Variants in MEMO1 observed in about 807,000 individuals in gnomAD.
MEMO1 encodes the protein protein MEMO1.
MEMO1 carries 6 observed loss-of-function variants against 45.2 expected under a neutral mutation model. The ratio of observed to expected loss-of-function variants is 0.13; its 90% CI spans 0.07 to 0.26. The LOEUF (loss-of-function observed/expected upper bound fraction) is 0.26. Ranked by LOEUF, MEMO1 falls within the 10% of genes least tolerant of loss-of-function variation. The pLI is 1.00. For synonymous variants in MEMO1, 78 were observed against 124.3 expected (o/e 0.63, Z 2.48); for missense variants, 184 against 370.5 (o/e 0.50, Z 4.13).
At chr2:31,996,396 A>C (rs1374998238) in intron 2 of MEMO1, among the ~76,000 whole-genome samples, 2 of 152,124 alleles carry the variant, frequency 1.3e-5, no homozygotes, top group South Asian at 2.1e-4. Flanking sequence ...AAAAACAAAA[A>C]TTAGCTGGGT....
At chr2:31,999,706 T>C (rs548302308) in intron 2 of MEMO1, among the ~76,000 whole-genome samples, 10 of 152,214 alleles carry the variant, frequency 6.6e-5, no homozygotes, top group Admixed American at 3.9e-4. Context: ...CATATGATAC[T>C]ACTCTGTTCC....
chr2:31,951,334 A>G (rs1666821382), intron 2 of MEMO1, among the ~76,000 whole-genome samples: 1 of 152,170 alleles, frequency 6.6e-6, no homozygotes, highest in Non-Finnish European at 1.5e-5. Flanking sequence ...AAACATACAT[A>G]TTAAAATTCA....
At chr2:31,992,198 G>A (rs1462509091) in intron 2 of MEMO1, among the ~76,000 whole-genome samples, 2 of 152,218 alleles carry the variant, frequency 1.3e-5, no homozygotes, top group African/African-American at 2.4e-5. Context: ...GGTCAGGGCT[G>A]AGGAAACAAT....
chr2:31,951,744 C>T (rs1363198686), intron 2 of MEMO1, among the ~76,000 whole-genome samples: 1 of 152,118 alleles, frequency 6.6e-6, no homozygotes, highest in Non-Finnish European at 1.5e-5. Flanking sequence ...CTTGGCCAGG[C>T]TGGTCTTGAA....
At chr2:31,990,142 C>G (rs1379329054) in intron 2 of MEMO1, among the ~76,000 whole-genome samples, 1 of 152,122 alleles carries the variant, frequency 6.6e-6, no homozygotes, top group Admixed American at 6.6e-5. Context: ...ATACTCCTCC[C>G]TCTTCCAAAT....
intron 6 of MEMO1, among the ~76,000 whole-genome samples, chr2:31,912,561 A>G (rs1469182065): frequency 6.6e-6 from 1 of 151,658 alleles, no homozygotes; most frequent in African/African-American, 2.4e-5. Flanking sequence ...TTTATTATGC[A>G]TTTCAATATT....
intron 3 of MEMO1, among the ~76,000 whole-genome samples, chr2:31,936,406 A>C (rs1664924792): frequency 6.6e-6 from 1 of 152,206 alleles, no homozygotes; most frequent in Non-Finnish European, 1.5e-5. Flanking sequence ...ACATTTTATC[A>C]AGCTAAAACC....
rs776589671 is a variant in MEMO1 at position 31,929,373 on chromosome 2, A to T, written c.212+2694T>A. Among the ~76,000 whole-genome samples the T allele has an allele frequency of 9.2e-5, 14 of 151,352 alleles. 1 individual carries two copies. Among genetic ancestry groups the T allele is most frequent in the Admixed American group, 2.0e-4 (3 of 15,186 alleles). ...TCGCTTCCACTGGTTACATTATGACATGAGTTATTTTTTCATGTAATTTAA... is the reference window on the plus strand; with the variant it reads ...TCGCTTCCACTGGTTACATTATGACTTGAGTTATTTTTTCATGTAATTTAA... On this transcript the variant is annotated intron_variant, in intron 4 of 9. Transcript: ENST00000404530.
rs1269836423 is a variant in MEMO1, at chr2:32,006,306, T to A, written c.61+3881A>T. On this transcript the variant is annotated intron_variant, in intron 2 of 9. Transcript: ENST00000404530. ...AGTCCAATTCGGAGACAGTTGTAAT[T>A]ATTCTGACAGAAGATGATAAGGGCC... Among the ~76,000 whole-genome samples the A allele has an allele frequency of 2.0e-5, 3 of 152,300 alleles. No homozygotes were observed. In the East Asian group the frequency reaches 5.8e-4, roughly 29 times the overall value.
At chr2:31,927,445 A>G (rs1398056414) in intron 4 of MEMO1, among the ~76,000 whole-genome samples, 1 of 152,212 alleles carries the variant, frequency 6.6e-6, no homozygotes, top group Non-Finnish European at 1.5e-5. Flanking sequence ...TTATCTGCAA[A>G]GGTAATTACA....
chr2:31,951,991 T>C (rs1666894580), intron 2 of MEMO1, among the ~76,000 whole-genome samples: 1 of 152,230 alleles, frequency 6.6e-6, no homozygotes, highest in South Asian at 2.1e-4. Flanking sequence ...GTTGTTTGTT[T>C]TTATGTATCT....
intron 2 of MEMO1, among the ~76,000 whole-genome samples, chr2:31,997,092 G>C (rs1217187842): frequency 6.6e-6 from 1 of 152,038 alleles, no homozygotes; most frequent in Non-Finnish European, 1.5e-5. Context: ...AGAGACTACT[G>C]TCTCCCAGAA....
At chr2:31,926,935 G>A (rs746553511) in intron 4 of MEMO1, among the ~76,000 whole-genome samples, 1 of 152,256 alleles carries the variant, frequency 6.6e-6, no homozygotes, top group South Asian at 2.1e-4. Context: ...GAAAATATCT[G>A]CATAATCCAA....
At chr2:31,904,892 A>G (rs1403294841) in intron 6 of MEMO1, among the ~76,000 whole-genome samples, 1 of 152,224 alleles carries the variant, frequency 6.6e-6, no homozygotes, top group East Asian at 1.9e-4. Context: ...TGCATATAGA[A>G]TTTAAGCAGA....
At chr2:31,939,981 C>T (rs1032903034) in intron 3 of MEMO1, among the ~76,000 whole-genome samples, 1 of 152,166 alleles carries the variant, frequency 6.6e-6, no homozygotes, top group Non-Finnish European at 1.5e-5. Flanking sequence ...TTCCACATTG[C>T]CAAATCCAAT....
intron 6 of MEMO1, among the ~76,000 whole-genome samples, chr2:31,912,509 G>A (rs1332534421): frequency 1.0e-5 from 1 of 98,758 alleles, no homozygotes; most frequent in Non-Finnish European, 1.9e-5. Flanking sequence ...ATGAAACTCT[G>A]TCTCAAAAAA....
intron 2 of MEMO1, among the ~76,000 whole-genome samples, chr2:31,999,290 C>G (rs1470846466): frequency 6.6e-6 from 1 of 152,084 alleles, no homozygotes; most frequent in Admixed American, 6.6e-5. Flanking sequence ...ATCACAGCAG[C>G]CAAGTAATTA....
At chr2:31,900,807 T>C (rs917115006) in intron 6 of MEMO1, among the ~76,000 whole-genome samples, 2 of 152,130 alleles carry the variant, frequency 1.3e-5, no homozygotes, top group East Asian at 1.9e-4. Flanking sequence ...ATAACAGATA[T>C]TGGCCAGGAT....
At chr2:31,887,839 T>C (rs913252615) in intron 7 of MEMO1, among the ~76,000 whole-genome samples, 10 of 152,060 alleles carry the variant, frequency 6.6e-5, no homozygotes, top group African/African-American at 1.4e-4. Context: ...ATTTAGAAAA[T>C]AGCAACAGCC....
Sources: allele counts gnomAD v4.1 joint callset (sites outside exome capture counted in the v4.1 genomes callset), GRCh38; gene constraint gnomAD v4.1.1; transcripts MANE v1.5; gene names NCBI Gene and HGNC (gene_info 2026-07-23, HGNC 2026-07-21).